The following CSMD1 variants were observed in gnomAD, a reference collection of about 807,000 sequenced individuals.
CSMD1 encodes CUB and Sushi multiple domains 1.
CSMD1 carries 213 observed loss-of-function variants against 417.5 expected under a neutral mutation model. The ratio of observed to expected loss-of-function variants is 0.51; its 90% CI spans 0.46 to 0.57. CSMD1 has a LOEUF of 0.57. CSMD1 is among the 20% of genes least tolerant of loss of function. The pLI is 0.00. For missense variants in CSMD1, 6,923 were observed against 4,529.7 expected, an observed-to-expected ratio of 1.53 and a Z score of -15.17; for synonymous variants, 2,862 against 1,736.8, an observed-to-expected ratio of 1.65 and a Z score of -16.11.
At chr8:3,140,645 T>C (rs1818381626) in intron 41 of CSMD1, among the ~76,000 whole-genome samples, 1 of 152,012 alleles carries the variant, frequency 6.6e-6, no homozygotes, top group African/African-American at 2.4e-5. Context: ...CATAAAATAC[T>C]AGCCTCTTTC....
At chr8:4,396,166 G>C (rs1364677736) in intron 3 of CSMD1, among the ~76,000 whole-genome samples, 3 of 152,038 alleles carry the variant, frequency 2.0e-5, no homozygotes, top group Non-Finnish European at 4.4e-5. Context: ...TATTTGCAAA[G>C]CAAGAATAAC....
chr8:3,161,824 A>G (rs1819917017), intron 38 of CSMD1, among the ~76,000 whole-genome samples: 1 of 152,186 alleles, frequency 6.6e-6, no homozygotes, highest in Admixed American at 6.6e-5. Context: ...ATACAGAAGC[A>G]GATTCAATTA....
At chr8:3,934,900 T>C (rs1472136366) in intron 5 of CSMD1, among the ~76,000 whole-genome samples, 2 of 152,078 alleles carry the variant, frequency 1.3e-5, no homozygotes, top group African/African-American at 2.4e-5. Context: ...TGTTTGAGTT[T>C]TCCAAGAAGA....
chr8:3,767,298 G>C (rs550479397), intron 5 of CSMD1, among the ~76,000 whole-genome samples: 2 of 152,210 alleles, frequency 1.3e-5, no homozygotes, highest in African/African-American at 2.4e-5. Context: ...CTCTGCAATG[G>C]TGTGGTCATT....
intron 3 of CSMD1, among the ~76,000 whole-genome samples, chr8:4,289,043 G>A (rs192047424): frequency 2.0e-4 from 31 of 152,240 alleles, no homozygotes; most frequent in Middle Eastern, 3.4e-3. Context: ...CTGTCATAAT[G>A]AGCATAAAAA....
chr8:3,635,396 C>G (rs1027890829), intron 7 of CSMD1, among the ~76,000 whole-genome samples: 6 of 151,964 alleles, frequency 3.9e-5, no homozygotes, highest in African/African-American at 1.4e-4. Flanking sequence ...ATCACTTGAA[C>G]CCGGTTGAAC....
At chr8:4,102,525 G>A (rs74520194) in intron 3 of CSMD1, among the ~76,000 whole-genome samples, 3,842 of 152,196 alleles carry the variant, frequency 0.025, 75 homozygotes, top group Non-Finnish European at 0.037. Flanking sequence ...ACAATGGGGA[G>A]GCTTATGGTC....
At chr8:3,485,103 C>T (rs55824821) in intron 11 of CSMD1, among the ~76,000 whole-genome samples, 19,785 of 152,172 alleles carry the variant, frequency 0.13, 1,371 homozygotes, top group East Asian at 0.21. Flanking sequence ...ACATAACAAC[C>T]TATACACAAA....
At chr8:4,289,347 T>A (rs973446789) in intron 3 of CSMD1, among the ~76,000 whole-genome samples, 1 of 152,222 alleles carries the variant, frequency 6.6e-6, no homozygotes, top group Non-Finnish European at 1.5e-5. Flanking sequence ...TAAAATACAT[T>A]TAACTTTTCT....
intron 4 of CSMD1, among the ~76,000 whole-genome samples, chr8:4,027,715 G>T (rs1585160174): frequency 6.6e-6 from 1 of 152,106 alleles, no homozygotes; most frequent in East Asian, 1.9e-4. Context: ...AGACATGGGG[G>T]CCCATTGAAC....
chr8:3,494,696 A>C (rs1563092275), intron 10 of CSMD1, among the ~76,000 whole-genome samples: 2 of 66,648 alleles, frequency 3.0e-5, no homozygotes, highest in Non-Finnish European at 8.1e-5. Flanking sequence ...GAATATATAA[A>C]TGAGAGAGAG....
At position 4,444,544 on chromosome 8, in the gene CSMD1, T is replaced by C. The variant is rs144426620; in HGVS notation, c.303-24479A>G. On this transcript the variant is annotated intron_variant, in intron 2 of 69. Coordinates refer to ENST00000635120, the MANE Select transcript of CSMD1 (RefSeq NM_033225.6). Reference sequence around the variant, plus strand: ...TAGCCACGGAGAACAATAATGTCCATCTTTTAGGGGTTTTCTAAGAATTAA... The same window carrying C: ...TAGCCACGGAGAACAATAATGTCCACCTTTTAGGGGTTTTCTAAGAATTAA... 3.4e-3 allele frequency among the ~76,000 whole-genome samples: 519 copies of C among 152,114 alleles called. 6 individuals are homozygous for C. The highest frequency in any genetic ancestry group is 0.012 in the African/African-American group (503 of 41,460).
At chr8:4,168,669 A>G (rs748782126) in intron 3 of CSMD1, among the ~76,000 whole-genome samples, 1 of 152,112 alleles carries the variant, frequency 6.6e-6, no homozygotes, top group Non-Finnish European at 1.5e-5. Context: ...TCATTCTCAC[A>G]TTTTTTAAAA....
At chr8:4,868,003 A>G (rs1269348074) in intron 1 of CSMD1, among the ~76,000 whole-genome samples, 1 of 152,084 alleles carries the variant, frequency 6.6e-6, no homozygotes, top group Non-Finnish European at 1.5e-5. Context: ...CAGTTCACAA[A>G]ACTGCTAAAT....
chr8:4,696,998 C>T (rs962699409), intron 1 of CSMD1, among the ~76,000 whole-genome samples: 1 of 151,982 alleles, frequency 6.6e-6, no homozygotes. Context: ...ATGGTGAAAC[C>T]CTGTCTCTAC....
At position 3,360,061 on chromosome 8, in the gene CSMD1, C is replaced by G. The variant is rs78122037; in HGVS notation, c.3116-721G>C. 4.2e-3 allele frequency among the ~76,000 whole-genome samples: 638 copies of G among 152,236 alleles called. 2 individuals are homozygous for G. The highest frequency in any genetic ancestry group is 7.7e-3 in the Admixed American group (118 of 15,292). The stretch of plus-strand genomic sequence containing the variant: ...ATGAAGCATAACATAAAAGCAAAGG[C>G]ACAGGGCTATGTTTCTGGAAATCTT... On this transcript the variant is annotated intron_variant, in intron 20 of 69. Transcript: ENST00000635120.
chr8:4,126,260 G>A (rs965550977), intron 3 of CSMD1, among the ~76,000 whole-genome samples: 7 of 152,064 alleles, frequency 4.6e-5, no homozygotes, highest in Non-Finnish European at 1.0e-4. Flanking sequence ...CCACACGACC[G>A]GCTCTGCATG....
intron 1 of CSMD1, among the ~76,000 whole-genome samples, chr8:4,994,074 C>A (rs1038636783): frequency 9.9e-5 from 15 of 152,148 alleles, no homozygotes; most frequent in South Asian, 4.2e-4. Context: ...CCCTGTACTG[C>A]CGAGAAAAAG....
At chr8:4,044,009 T>C (rs1319855589) in intron 3 of CSMD1, among the ~76,000 whole-genome samples, 2 of 147,150 alleles carry the variant, frequency 1.4e-5, no homozygotes, top group African/African-American at 5.1e-5. Context: ...AAAGAAATAA[T>C]TTTGGCAAAG....
Sources: allele counts gnomAD v4.1 joint callset (sites outside exome capture counted in the v4.1 genomes callset), GRCh38; gene constraint gnomAD v4.1.1; transcripts MANE v1.5; gene names NCBI Gene and HGNC (gene_info 2026-07-23, HGNC 2026-07-21).